Variants in NSMAF observed in about 807,000 individuals in gnomAD.
NSMAF encodes the protein protein FAN.
In NSMAF, 90 loss-of-function variants were observed where a neutral mutation model predicts 134.9. The ratio of observed to expected loss-of-function variants is 0.67; its 90% CI spans 0.56 to 0.79. The LOEUF (loss-of-function observed/expected upper bound fraction) is 0.79. Among genes scored for constraint, NSMAF ranks in the 30% least tolerant of loss-of-function variants. The pLI is 0.00. For missense variants in NSMAF, 1,010 were observed against 1,119.0 expected, an observed-to-expected ratio of 0.90 and a Z score of 1.39; for synonymous variants, 358 against 389.6, an observed-to-expected ratio of 0.92 and a Z score of 0.96.
intron 1 of NSMAF, chr8:58,659,133 G>C (rs1225116420): frequency 7.8e-7 from 1 of 1,278,084 alleles, no homozygotes. Context: ...CCGGCGCCGA[G>C]TGCCTGGACC....
chr8:58,606,529 C>T (rs958193450), intron 11 of NSMAF, among the ~76,000 whole-genome samples: 3 of 152,212 alleles, frequency 2.0e-5, no homozygotes, highest in Non-Finnish European at 2.9e-5. Flanking sequence ...GATCCTCCCA[C>T]CTCAGCCTCT....
intron 23 of NSMAF, among the ~76,000 whole-genome samples, chr8:58,593,920 C>A (rs1274674863): frequency 6.6e-6 from 1 of 152,204 alleles, no homozygotes; most frequent in Admixed American, 6.5e-5. Context: ...CACAGCCAAC[C>A]CCAACAAGTG....
intron 1 of NSMAF, among the ~76,000 whole-genome samples, chr8:58,656,582 T>C (rs1179410136): frequency 6.6e-6 from 1 of 152,050 alleles, no homozygotes; most frequent in African/African-American, 2.4e-5. Context: ...ATCCCAGCAC[T>C]TTGGGAGGCC....
At chr8:58,604,557 A>ATAT (rs1554574191) in intron 12 of NSMAF, among the ~76,000 whole-genome samples, 10 of 146,720 alleles carry the variant, frequency 6.8e-5, no homozygotes, top group South Asian at 2.1e-4. Context: ...AGATATATAT[A>ATAT]ATATATATAT....
intron 1 of NSMAF, among the ~76,000 whole-genome samples, chr8:58,644,520 G>A (rs1032125910): frequency 3.3e-5 from 5 of 152,208 alleles, no homozygotes; most frequent in Non-Finnish European, 7.3e-5. Flanking sequence ...GCTGGTGGGA[G>A]TGTAAATTAG....
At position 58,608,370 on chromosome 8, in the gene NSMAF, G is replaced by T. The variant is rs142915707; in HGVS notation, c.688-530C>A. ...TGTTAATGAAGAAGAAAATTGTCTT[G>T]CTTTTCTATAATTTTAAAACACTAG... On this transcript the variant is annotated intron_variant, in intron 10 of 30. Coordinates refer to ENST00000038176, the MANE Select transcript of NSMAF (RefSeq NM_003580.4). Among the ~76,000 whole-genome samples the T allele has an allele frequency of 1.8e-3, 278 of 152,234 alleles. 2 individuals carry two copies. The highest frequency in any genetic ancestry group is 6.5e-3 in the African/African-American group (269 of 41,546).
chr8:58,634,658 A>G (rs569202820), intron 5 of NSMAF, among the ~76,000 whole-genome samples: 177 of 152,326 alleles, frequency 1.2e-3, no homozygotes, highest in African/African-American at 3.8e-3. Context: ...ACTAATTAAT[A>G]ATATGACAGG....
chr8:58,602,120 T>C lies in NSMAF; in HGVS notation c.1063A>G (p.Thr355Ala), dbSNP rs142278918. The change falls in exon 14 of 31, where the codon ACC becomes GCC. Residue 355 changes from threonine (T) to alanine (A), a missense_variant. By Grantham distance (58) the Thr-to-Ala change is moderately conservative. Transcript: ENST00000038176. ...SSELDLSNPG[T>A]FRDLSKPVGA... is the part of the protein sequence containing the mutation. ...ACTGGCTTACTGAGATCCCGGAAGG[T>C]TCCTGGATTTGACAAATCTATAAAC... is the stretch of plus-strand genomic sequence containing the variant. The C allele has an allele frequency of 2.0e-4, 317 of 1,613,190 alleles. No homozygotes were observed. Among genetic ancestry groups the C allele is most frequent in the Non-Finnish European group, 2.6e-4 (303 of 1,179,420 alleles).
chr8:58,622,900 T>C (rs1390533066), intron 9 of NSMAF, among the ~76,000 whole-genome samples: 1 of 151,866 alleles, frequency 6.6e-6, no homozygotes, highest in East Asian at 1.9e-4. Flanking sequence ...GAAGGGAAGA[T>C]GGAGTCAGGT....
intron 1 of NSMAF, among the ~76,000 whole-genome samples, chr8:58,650,678 T>C (rs1198328345): frequency 2.0e-5 from 3 of 152,218 alleles, no homozygotes; most frequent in African/African-American, 7.2e-5. Flanking sequence ...ACAGGATCCC[T>C]CTCAACTCTC....
chr8:58,591,178 GTA>G (rs1421459269), intron 23 of NSMAF, among the ~76,000 whole-genome samples: 1 of 152,154 alleles, frequency 6.6e-6, no homozygotes, highest in Admixed American at 6.5e-5. Flanking sequence ...GACATGGTAG[GTA>G]TACTGTTGAC....
At position 58,636,736 on chromosome 8, in the gene NSMAF, A is replaced by G. The variant is rs114644030; in HGVS notation, c.150-1190T>C. 6.7e-3 allele frequency among the ~76,000 whole-genome samples: 1,018 copies of G among 152,340 alleles called. 8 individuals carry two copies. Among genetic ancestry groups the G allele is most frequent in the African/African-American group, 0.023 (940 of 41,578 alleles). ...GCCTGTGTTCCAGTAAAACTTTACA[A>G]GAACAAGTGGCAGCTCAGATATGGC... On this transcript the variant is annotated intron_variant, in intron 2 of 30. Coordinates refer to ENST00000038176, the MANE Select transcript of NSMAF (RefSeq NM_003580.4).
chr8:58,659,781 G>A lies in NSMAF; in HGVS notation c.-150C>T. ...GGCTTCCCCTGCGGCGCCGCTGGGCGGCCGAGAGCCCGACGCGGCGTCCCG... is the reference window on the plus strand; with the variant it reads ...GGCTTCCCCTGCGGCGCCGCTGGGCAGCCGAGAGCCCGACGCGGCGTCCCG... On this transcript the variant is annotated 5_prime_UTR_variant, in exon 1 of 31. Coordinates refer to ENST00000038176, the MANE Select transcript of NSMAF (RefSeq NM_003580.4). 4.4e-6 allele frequency: 2 copies of A among 453,182 alleles called. No homozygotes were observed. Among genetic ancestry groups the A allele is most frequent in the Non-Finnish European group, 6.8e-6 (2 of 295,316 alleles). 28.1% of individuals were successfully genotyped at this position (453,182 alleles called of 1,614,324 possible).
At chr8:58,609,069 A>T (rs547607830) in intron 10 of NSMAF, among the ~76,000 whole-genome samples, 1 of 152,318 alleles carries the variant, frequency 6.6e-6, no homozygotes, top group African/African-American at 2.4e-5. Flanking sequence ...CCAACATCCT[A>T]GCAGGAGCCC....
intron 16 of NSMAF, among the ~76,000 whole-genome samples, chr8:58,600,621 C>CAAAAAAAAAAAAAAAAAA (rs35209612): frequency 2.2e-5 from 1 of 44,682 alleles, no homozygotes; most frequent in African/African-American, 8.8e-5. Context: ...GACTCTGTCT[C>CAAAAAAAAAAAAAAAAAA]AAAAAAAAAA....
intron 6 of NSMAF, among the ~76,000 whole-genome samples, chr8:58,627,025 C>T (rs898865687): frequency 6.6e-6 from 1 of 152,082 alleles, no homozygotes; most frequent in African/African-American, 2.4e-5. Flanking sequence ...ATTGTCTATT[C>T]ATGTTCTTTG....
At position 58,586,455 on chromosome 8, in the gene NSMAF, T is replaced by C; in HGVS notation, c.2446+3A>G. On this transcript the variant is annotated splice_donor_region_variant and intron_variant, in intron 28 of 30. Transcript: ENST00000038176. ...TATCTGTTTTAAAAAGGATAATATC[T>C]ACCTGGGCTAAAAGCAGTGTCACAT... The C allele has an allele frequency of 6.2e-7, 1 of 1,605,644 alleles. No homozygotes were observed. Among genetic ancestry groups the C allele is most frequent in the Non-Finnish European group, 8.5e-7 (1 of 1,179,584 alleles).
chr8:58,649,269 C>G (rs1807529006), intron 1 of NSMAF, among the ~76,000 whole-genome samples: 1 of 152,200 alleles, frequency 6.6e-6, no homozygotes, highest in Admixed American at 6.5e-5. Flanking sequence ...GCAGATTTCT[C>G]TCTTTTGAAT....
chr8:58,590,407 C>A (rs1805995331), intron 24 of NSMAF, among the ~76,000 whole-genome samples: 1 of 152,148 alleles, frequency 6.6e-6, no homozygotes. Context: ...AGAAAATACC[C>A]CCTCTGGACT....
Sources: allele counts gnomAD v4.1 joint callset (sites outside exome capture counted in the v4.1 genomes callset), GRCh38; gene constraint gnomAD v4.1.1; transcripts MANE v1.5; gene names NCBI Gene and HGNC (gene_info 2026-07-23, HGNC 2026-07-21).